GPC5: variants seen among roughly 807,000 people sequenced by gnomAD.
GPC5 encodes glypican-5.
A neutral mutation model predicts 53.9 loss-of-function variants in GPC5; 47 were observed. The observed-to-expected ratio is 0.87, with a 90% confidence interval of 0.69 to 1.11. The LOEUF (loss-of-function observed/expected upper bound fraction) is 1.11, where lower values mean the gene tolerates loss of function less well. Ranked by LOEUF, GPC5 falls within the 50% of genes most tolerant of loss-of-function variation. The pLI is 0.00. For missense variants in GPC5, 748 were observed against 713.1 expected, an observed-to-expected ratio of 1.05 and a Z score of -0.56; for synonymous variants, 286 against 263.3, an observed-to-expected ratio of 1.09 and a Z score of -0.84.
At chr13:92,512,364 A>G (rs1880605703) in intron 7 of GPC5, among the ~76,000 whole-genome samples, 1 of 152,198 alleles carries the variant, frequency 6.6e-6, no homozygotes, top group African/African-American at 2.4e-5. Context: ...TACAGAAGGA[A>G]CAATTAATAC....
intron 7 of GPC5, among the ~76,000 whole-genome samples, chr13:92,539,502 T>C (rs1384970099): frequency 6.6e-6 from 1 of 152,144 alleles, no homozygotes; most frequent in Admixed American, 6.6e-5. Context: ...CTTTGTGCAC[T>C]TTTTGATGGG....
intron 6 of GPC5, among the ~76,000 whole-genome samples, chr13:92,105,277 T>C (rs770181824): frequency 3.9e-5 from 6 of 152,130 alleles, no homozygotes; most frequent in Non-Finnish European, 8.8e-5. Context: ...TTGCAAGTAA[T>C]CAATGGTATT....
intron 5 of GPC5, among the ~76,000 whole-genome samples, chr13:91,838,412 A>C (rs556010449): frequency 6.6e-6 from 1 of 152,216 alleles, no homozygotes; most frequent in South Asian, 2.1e-4. Flanking sequence ...AGAAGAACAC[A>C]AGGTTAAAGG....
rs572940225 is a variant in GPC5, at chr13:91,789,545, C to T, written c.1280+33125C>T. On this transcript the variant is annotated intron_variant, in intron 5 of 7. Coordinates refer to ENST00000377067, the MANE Select transcript of GPC5 (RefSeq NM_004466.6). ...TGAGAATTTTGGACAGAAATAAAAT[C>T]TTTTTCTTTATCCCCCTGCTAAACT... Among the ~76,000 whole-genome samples, 32 of 152,108 alleles carry T rather than the reference C, an allele frequency of 2.1e-4. No individual in the cohort carries two copies. The South Asian group carries it at 3.9e-3, about 19-fold the overall frequency.
chr13:91,441,289 G>A (rs186164423), intron 1 of GPC5, among the ~76,000 whole-genome samples: 110 of 152,242 alleles, frequency 7.2e-4, no homozygotes, highest in African/African-American at 2.6e-3. Flanking sequence ...TCAGGGCAGG[G>A]AACTTGAGTA....
chr13:92,442,813 C>G (rs529266450), intron 7 of GPC5, among the ~76,000 whole-genome samples: 1 of 152,248 alleles, frequency 6.6e-6, no homozygotes, highest in East Asian at 1.9e-4. Flanking sequence ...TTCAATCCTC[C>G]TAAAGTAGAA....
chr13:92,739,505 G>T (rs1404130308), intron 7 of GPC5, among the ~76,000 whole-genome samples: 3 of 152,022 alleles, frequency 2.0e-5, no homozygotes, highest in Non-Finnish European at 2.9e-5. Flanking sequence ...CTGCAAGCTT[G>T]CATCACATCT....
intron 7 of GPC5, among the ~76,000 whole-genome samples, chr13:92,328,242 T>G (rs11838917): frequency 1.3e-5 from 2 of 152,134 alleles, no homozygotes; most frequent in African/African-American, 2.4e-5. Flanking sequence ...GAAAATCTTA[T>G]GTAGTGATTT....
At chr13:91,927,042 C>T (rs1035530186) in intron 6 of GPC5, among the ~76,000 whole-genome samples, 62 of 152,146 alleles carry the variant, frequency 4.1e-4, no homozygotes, top group African/African-American at 1.4e-3. Flanking sequence ...TTAATGCTTG[C>T]GGTATTGTTA....
At chr13:92,459,863 T>A (rs564762861) in intron 7 of GPC5, among the ~76,000 whole-genome samples, 2 of 152,288 alleles carry the variant, frequency 1.3e-5, no homozygotes, top group Admixed American at 6.5e-5. Flanking sequence ...TTAGCTTTTT[T>A]AAAAAAGAAA....
intron 7 of GPC5, among the ~76,000 whole-genome samples, chr13:92,381,968 ATC>A (rs2043751615): frequency 4.5e-5 from 5 of 109,952 alleles, no homozygotes; most frequent in African/African-American, 2.1e-4. Context: ...GTATGTATCT[ATC>A]TATCTATCTA....
intron 7 of GPC5, among the ~76,000 whole-genome samples, chr13:92,576,972 A>G (rs981564186): frequency 5.3e-5 from 8 of 152,188 alleles, no homozygotes; most frequent in African/African-American, 1.9e-4. Context: ...ACTTTTTTAA[A>G]AAATTGAAGT....
chr13:91,593,013 C>T (rs967089772), intron 2 of GPC5, among the ~76,000 whole-genome samples: 2 of 152,206 alleles, frequency 1.3e-5, no homozygotes, highest in African/African-American at 4.8e-5. Context: ...ACAAAGGTTC[C>T]TAGTTCCATA....
At chr13:92,539,399 T>C (rs1011509842) in intron 7 of GPC5, among the ~76,000 whole-genome samples, 2 of 152,162 alleles carry the variant, frequency 1.3e-5, no homozygotes, top group Non-Finnish European at 2.9e-5. Flanking sequence ...GTGGTTTTGA[T>C]TCGCATTTCT....
At chr13:91,572,035 G>GCATACA (rs1566516662) in intron 2 of GPC5, among the ~76,000 whole-genome samples, 9 of 110,654 alleles carry the variant, frequency 8.1e-5, no homozygotes, top group African/African-American at 4.1e-4. Flanking sequence ...GTGTATATAT[G>GCATACA]TGTATATACA....
chr13:91,798,376 G>A (rs1566268744), intron 5 of GPC5, among the ~76,000 whole-genome samples: 1 of 151,996 alleles, frequency 6.6e-6, no homozygotes, highest in Non-Finnish European at 1.5e-5. Context: ...AATGTATGTT[G>A]TTCCCCACCA....
intron 6 of GPC5, among the ~76,000 whole-genome samples, chr13:91,991,762 A>G (rs568440776): frequency 3.9e-5 from 6 of 152,336 alleles, no homozygotes; most frequent in African/African-American, 1.4e-4. Context: ...GAATTGGTTC[A>G]TGAATTCTAT....
chr13:91,848,089 C>T (rs187477263), intron 5 of GPC5, among the ~76,000 whole-genome samples: 1 of 152,186 alleles, frequency 6.6e-6, no homozygotes, highest in South Asian at 2.1e-4. Context: ...TGGGCTGCTG[C>T]CTTTCAGGCC....
chr13:92,511,594 A>G (rs1222101632), intron 7 of GPC5, among the ~76,000 whole-genome samples: 1 of 152,152 alleles, frequency 6.6e-6, no homozygotes, highest in Non-Finnish European at 1.5e-5. Context: ...TTCTGTGACC[A>G]TTTTTGGATG....
Sources: gnomAD v4.1 joint callset for allele counts (sites outside exome capture counted in the v4.1 genomes callset) on GRCh38, gnomAD v4.1.1 for gene constraint, MANE v1.5 for transcripts, NCBI Gene and HGNC (gene_info 2026-07-23, HGNC 2026-07-21) for gene names.